SLC4A10: variants seen among roughly 807,000 people sequenced by gnomAD.
SLC4A10 encodes the protein solute carrier family 4 member 10, also known as sodium-driven chloride bicarbonate exchanger.
In SLC4A10, 42 loss-of-function variants were observed where a neutral mutation model predicts 137.7. The ratio of observed to expected loss-of-function variants is 0.30; its 90% confidence interval spans 0.24 to 0.39. SLC4A10 has a LOEUF of 0.39. Ranked by LOEUF, SLC4A10 falls within the 10% of genes least tolerant of loss-of-function variation. The pLI is 1.00. For synonymous variants in SLC4A10, 474 were observed against 464.1 expected (o/e 1.02, Z -0.27); for missense variants, 925 against 1,355.0 (o/e 0.68, Z 4.98).
intron 1 of SLC4A10, among the ~76,000 whole-genome samples, chr2:161,726,611 T>C (rs1489157527): frequency 1.3e-5 from 2 of 152,122 alleles, no homozygotes. Flanking sequence ...ACCAGGTACC[T>C]TTGTAAGAGA....
At chr2:161,894,498 C>A (rs2063243400) in intron 10 of SLC4A10, among the ~76,000 whole-genome samples, 181 bp from the exon 11 acceptor site, 1 of 151,914 alleles carries the variant, frequency 6.6e-6, no homozygotes. Context: ...AAAATAGTTA[C>A]CTATATGGAT....
chr2:161,888,452 G>T (rs1189818001), intron 10 of SLC4A10, among the ~76,000 whole-genome samples: 3 of 152,104 alleles, frequency 2.0e-5, no homozygotes, highest in African/African-American at 7.2e-5. Context: ...ATTTGTTTGT[G>T]TCCTCTCTTA....
intron 3 of SLC4A10, among the ~76,000 whole-genome samples, chr2:161,828,784 A>ATATATATG (rs2058208739): frequency 2.7e-5 from 3 of 110,172 alleles, no homozygotes; most frequent in Non-Finnish European, 5.7e-5. Flanking sequence ...ATATATATAT[A>ATATATATG]TATATATATA....
At chr2:161,849,059 T>G (rs2059667681) in intron 4 of SLC4A10, among the ~76,000 whole-genome samples, 2 of 152,174 alleles carry the variant, frequency 1.3e-5, no homozygotes, top group African/African-American at 4.8e-5. Context: ...TCCATTTGTT[T>G]GTGTCATCTC....
At chr2:161,686,570 A>G (rs963900004) in intron 1 of SLC4A10, among the ~76,000 whole-genome samples, 2 of 152,222 alleles carry the variant, frequency 1.3e-5, no homozygotes, top group African/African-American at 4.8e-5. Context: ...ATTCATTCAA[A>G]GGAAACAAAT....
chr2:161,928,488 A>G (rs1451808571), intron 15 of SLC4A10, among the ~76,000 whole-genome samples: 3 of 150,934 alleles, frequency 2.0e-5, no homozygotes, highest in Non-Finnish European at 4.4e-5. Context: ...TAACCTGCAC[A>G]TTGTGTACAT....
At chr2:161,924,378 C>A (rs2105532906) in intron 15 of SLC4A10, among the ~76,000 whole-genome samples, 1 of 151,958 alleles carries the variant, frequency 6.6e-6, no homozygotes, top group Middle Eastern at 3.4e-3. Flanking sequence ...TATCAAATGT[C>A]CTTACACAAC....
intron 1 of SLC4A10, chr2:161,708,563 A>C (rs1325274810): frequency 1.1e-6 from 1 of 887,350 alleles, no homozygotes; most frequent in Non-Finnish European, 1.6e-6. Flanking sequence ...CAACTGTGTC[A>C]GTCTCTCTTA....
At chr2:161,696,206 T>C (rs1317337474) in intron 1 of SLC4A10, among the ~76,000 whole-genome samples, 1 of 152,096 alleles carries the variant, frequency 6.6e-6, no homozygotes, top group Non-Finnish European at 1.5e-5. Flanking sequence ...AATGATGGTT[T>C]CCAGCTTCAT....
chr2:161,799,198 G>A (rs1030579281), intron 2 of SLC4A10, among the ~76,000 whole-genome samples: 2 of 151,360 alleles, frequency 1.3e-5, no homozygotes, highest in African/African-American at 2.4e-5. Context: ...GAAAGGACTC[G>A]CTCCTTTAAT....
chr2:161,953,342 G>A (rs544073483), intron 19 of SLC4A10, among the ~76,000 whole-genome samples: 1 of 152,276 alleles, frequency 6.6e-6, no homozygotes, highest in Admixed American at 6.5e-5. Flanking sequence ...AGGCACAGTG[G>A]CTCACGCCTG....
chr2:161,715,115 T>C (rs1316228283), intron 1 of SLC4A10, among the ~76,000 whole-genome samples: 1 of 151,946 alleles, frequency 6.6e-6, no homozygotes, highest in Non-Finnish European at 1.5e-5. Flanking sequence ...ATTTAGTAGT[T>C]TGCCCAAGAT....
chr2:161,814,037 CA>C (rs1179494300), intron 3 of SLC4A10, among the ~76,000 whole-genome samples: 1 of 151,980 alleles, frequency 6.6e-6, no homozygotes, highest in African/African-American at 2.4e-5. Context: ...TTTAGTTCAT[CA>C]GGGGTCTAAT....
chr2:161,808,632 A>G lies in SLC4A10; in HGVS notation c.277+4037A>G, dbSNP rs376282261. ...CCATCTTAATGTACATAAGTACCCA[A>G]TGTTTAGCCCCACTTATGAGTGAGA... On this transcript the variant is annotated intron_variant, in intron 3 of 26. Transcript: ENST00000446997. Among the ~76,000 whole-genome samples, 38 of 152,118 alleles carry G rather than the reference A, an allele frequency of 2.5e-4. No homozygotes were observed. In the South Asian group the frequency reaches 7.3e-3, roughly 29 times the overall value.
chr2:161,879,995 A>G (rs1426017704), intron 9 of SLC4A10, among the ~76,000 whole-genome samples: 1 of 152,132 alleles, frequency 6.6e-6, no homozygotes, highest in African/African-American at 2.4e-5. Context: ...TGTAAAAAAA[A>G]GAAAAAGATA....
chr2:161,732,689 T>C (rs1168131446), intron 1 of SLC4A10, among the ~76,000 whole-genome samples: 2 of 152,080 alleles, frequency 1.3e-5, no homozygotes, highest in Non-Finnish European at 2.9e-5. Flanking sequence ...TAGGTAGAAG[T>C]TGGAACAGTT....
chr2:161,764,708 T>A (rs2050609087), intron 1 of SLC4A10, among the ~76,000 whole-genome samples: 1 of 152,154 alleles, frequency 6.6e-6, no homozygotes, highest in African/African-American at 2.4e-5. Context: ...TTGATATTTT[T>A]ATGTGAACAT....
At chr2:161,635,319 T>C (rs929027424) in intron 1 of SLC4A10, among the ~76,000 whole-genome samples, 1 of 152,094 alleles carries the variant, frequency 6.6e-6, no homozygotes, top group Non-Finnish European at 1.5e-5. Context: ...AGAGAAAGAC[T>C]CTCTGGTGAA....
intron 1 of SLC4A10, among the ~76,000 whole-genome samples, chr2:161,671,295 G>A (rs2039690868): frequency 6.6e-6 from 1 of 152,086 alleles, no homozygotes; most frequent in Non-Finnish European, 1.5e-5. Flanking sequence ...AAGCAGAGAG[G>A]ATGGGCTGTC....
Sources: allele counts gnomAD v4.1 joint callset (sites outside exome capture counted in the v4.1 genomes callset), GRCh38; gene constraint gnomAD v4.1.1; transcripts MANE v1.5; gene names NCBI Gene and HGNC (gene_info 2026-07-23, HGNC 2026-07-21).